The following AP3B1 variants were observed in gnomAD, a reference collection of about 807,000 sequenced individuals.
AP3B1 encodes adaptor related protein complex 3 subunit beta 1.
In AP3B1, 61 loss-of-function variants were observed where a neutral mutation model predicts 132.5. That is an observed-to-expected ratio of 0.46 (90% confidence interval 0.37 to 0.57). The LOEUF is 0.57. Ranked by LOEUF, AP3B1 falls within the 20% of genes least tolerant of loss-of-function variation. The probability of loss-of-function intolerance (pLI) is 0.00; values close to 1 mark genes in which losing one functional copy is unlikely to be tolerated. For missense variants in AP3B1, 1,120 were observed against 1,289.4 expected (o/e 0.87, Z 2.01); for synonymous variants, 388 against 438.3 (o/e 0.89, Z 1.43).
chr5:78,282,848 CA>C (rs70997985), intron 1 of AP3B1, among the ~76,000 whole-genome samples: 75 of 129,364 alleles, frequency 5.8e-4, no homozygotes, highest in South Asian at 7.7e-4. Flanking sequence ...TTGTCTCTAC[CA>C]AAAAAAAAAA....
intron 9 of AP3B1, 140 bp downstream of exon 9, chr5:78,177,199 C>T: frequency 4.8e-6 from 3 of 627,436 alleles, no homozygotes; most frequent in Non-Finnish European, 5.6e-6. Context: ...TATAATAATC[C>T]CCTTAAGTAT....
At chr5:78,021,847 A>G (rs1379640180) in intron 24 of AP3B1, among the ~76,000 whole-genome samples, 1 of 152,136 alleles carries the variant, frequency 6.6e-6, no homozygotes, top group African/African-American at 2.4e-5. Flanking sequence ...TTGAGTAACT[A>G]TGTCAACCAA....
chr5:78,053,795 G>GTCTC (rs112177129), intron 22 of AP3B1, among the ~76,000 whole-genome samples: 2 of 151,934 alleles, frequency 1.3e-5, no homozygotes, highest in Admixed American at 6.6e-5. Flanking sequence ...ACTATACGAG[G>GTCTC]TCTCTCTAAT....
intron 24 of AP3B1, among the ~76,000 whole-genome samples, chr5:78,033,848 T>C (rs149003471): frequency 0.013 from 1,915 of 151,928 alleles, 46 homozygotes; most frequent in African/African-American, 0.044. Flanking sequence ...TGTTCTCTTT[T>C]GACTTTTATC....
chr5:78,051,292 G>A (rs1209280773), intron 22 of AP3B1, among the ~76,000 whole-genome samples: 1 of 152,118 alleles, frequency 6.6e-6, no homozygotes, highest in Non-Finnish European at 1.5e-5. Flanking sequence ...TCACTAAAAA[G>A]TAACTGAAGA....
chr5:78,193,899 C>T lies in AP3B1; in HGVS notation c.787-12237G>A, dbSNP rs546838333. 3.3e-4 allele frequency among the ~76,000 whole-genome samples: 50 copies of T among 151,118 alleles called. No individual in the cohort carries two copies. In the East Asian group the frequency reaches 5.3e-3, roughly 16 times the overall value. On this transcript the variant is annotated intron_variant, in intron 7 of 26. Transcript: ENST00000255194. ...CCTCCCGAGTAGCTGGGACTACAGG[C>T]ACCTGCCACCACACCCGGCTAATTT...
At chr5:78,141,458 A>T in intron 14 of AP3B1, 139 bp from the exon 15 acceptor site, 1 of 667,454 alleles carries the variant, frequency 1.5e-6, no homozygotes. Context: ...TCCTGTATTT[A>T]TGAATTTTCG....
intron 2 of AP3B1, among the ~76,000 whole-genome samples, chr5:78,242,623 C>G (rs1173561253): frequency 6.6e-6 from 1 of 151,920 alleles, no homozygotes; most frequent in Non-Finnish European, 1.5e-5. Context: ...ACCAGGCTGG[C>G]CTTGAACTCC....
intron 17 of AP3B1, among the ~76,000 whole-genome samples, chr5:78,119,359 AGAG>A (rs1368463458): frequency 6.6e-6 from 1 of 152,248 alleles, no homozygotes; most frequent in Non-Finnish European, 1.5e-5. Context: ...TGACGAGCTG[AGAG>A]AAGAAGGCTT....
At chr5:78,040,748 G>C (rs749003101) in intron 22 of AP3B1, among the ~76,000 whole-genome samples, 125 of 151,942 alleles carry the variant, frequency 8.2e-4, no homozygotes, top group Middle Eastern at 3.4e-3. Flanking sequence ...CTCCCAACTA[G>C]ATTCTCTATT....
At chr5:78,286,064 T>C (rs7732857) in intron 1 of AP3B1, among the ~76,000 whole-genome samples, 34,999 of 152,120 alleles carry the variant, frequency 0.23, 4,638 homozygotes, top group Middle Eastern at 0.31. Flanking sequence ...TTAACAATGA[T>C]TTTACAAGGC....
chr5:78,067,306 C>A (rs1310930853), intron 22 of AP3B1, among the ~76,000 whole-genome samples: 2 of 152,120 alleles, frequency 1.3e-5, no homozygotes, highest in Non-Finnish European at 2.9e-5. Flanking sequence ...TTAAGACTCC[C>A]ATATGATAAT....
intron 18 of AP3B1, chr5:78,115,899 C>T: frequency 1.9e-6 from 1 of 521,450 alleles, no homozygotes; most frequent in Non-Finnish European, 3.5e-6. Context: ...TCAGCTATAC[C>T]AATGTATCAG....
At chr5:78,276,696 T>G (rs1748789543) in intron 1 of AP3B1, among the ~76,000 whole-genome samples, 1 of 151,588 alleles carries the variant, frequency 6.6e-6, no homozygotes, top group Non-Finnish European at 1.5e-5. Flanking sequence ...GGCAAGACCC[T>G]TTCACCACAA....
chr5:78,214,299 G>T (rs1225640098), intron 7 of AP3B1, among the ~76,000 whole-genome samples: 5 of 152,094 alleles, frequency 3.3e-5, no homozygotes, highest in Non-Finnish European at 7.4e-5. Context: ...AAATGTATAT[G>T]ATGGTGTAAA....
At chr5:78,248,608 C>T (rs1747485133) in intron 2 of AP3B1, among the ~76,000 whole-genome samples, 1 of 151,470 alleles carries the variant, frequency 6.6e-6, no homozygotes. Context: ...ATATTAAAAA[C>T]CTCTCAGATA....
At chr5:78,121,450 A>G (rs1385290623) in intron 17 of AP3B1, among the ~76,000 whole-genome samples, 2 of 152,212 alleles carry the variant, frequency 1.3e-5, no homozygotes, top group Non-Finnish European at 2.9e-5. Context: ...ACTGCTAGCA[A>G]GACTAATAAA....
intron 8 of AP3B1, among the ~76,000 whole-genome samples, chr5:78,178,869 C>A (rs1008684661): frequency 2.0e-5 from 3 of 151,812 alleles, no homozygotes; most frequent in Non-Finnish European, 4.4e-5. Flanking sequence ...GTATACAGCA[C>A]AGAAGAATGT....
Position 78,142,003 on chromosome 5 carries a change from T to C in AP3B1, c.1474-684A>G, listed in dbSNP as rs184581793. 3.5e-4 allele frequency among the ~76,000 whole-genome samples: 54 copies of C among 152,294 alleles called. No individual in the cohort carries two copies. In the East Asian group the frequency reaches 0.01, roughly 28 times the overall value. Reference sequence around the variant, plus strand: ...AGGTACTATGATTCCAAATCAAAACTGTTTTTGCTCTTTATGTATTAGCAT... The same window carrying C: ...AGGTACTATGATTCCAAATCAAAACCGTTTTTGCTCTTTATGTATTAGCAT... On this transcript the variant is annotated intron_variant, in intron 14 of 26. Coordinates refer to ENST00000255194, the MANE Select transcript of AP3B1 (RefSeq NM_003664.5).
Sources: gnomAD v4.1 joint callset for allele counts (sites outside exome capture counted in the v4.1 genomes callset) on GRCh38, gnomAD v4.1.1 for gene constraint, MANE v1.5 for transcripts, NCBI Gene and HGNC (gene_info 2026-07-23, HGNC 2026-07-21) for gene names.